PPIP5K2: variants seen among roughly 807,000 people sequenced by gnomAD.
PPIP5K2 encodes inositol hexakisphosphate and diphosphoinositol-pentakisphosphate kinase 2.
PPIP5K2 carries 105 observed loss-of-function variants against 154.6 expected under a neutral mutation model. The observed-to-expected ratio is 0.68, with a 90% CI of 0.58 to 0.80. The LOEUF is 0.80. Among genes scored for constraint, PPIP5K2 ranks in the 30% least tolerant of loss-of-function variants. The pLI, the probability that PPIP5K2 is intolerant of heterozygous loss-of-function variation, is 0.00. For missense variants in PPIP5K2, 992 were observed against 1,504.6 expected (o/e 0.66, Z 5.64); for synonymous variants, 480 against 490.3 (o/e 0.98, Z 0.28).
intron 11 of PPIP5K2, among the ~76,000 whole-genome samples, chr5:103,154,288 A>G (rs1482097340): frequency 6.6e-6 from 1 of 151,972 alleles, no homozygotes; most frequent in Non-Finnish European, 1.5e-5. Context: ...TGTTATTTCT[A>G]TCCAGTGTTT....
In PPIP5K2 at chr5:103,172,467, C is replaced by G. The variant is rs75392964; in HGVS notation, c.2287-688C>G. On this transcript the variant is annotated intron_variant, in intron 19 of 30. Transcript: ENST00000358359. Reference sequence around the variant, plus strand: ...GAGAGAAGGTATATGTGTTTCTTTCCTCTTCCCTTTTCTCCCTCTTTCCCA... The same window carrying G: ...GAGAGAAGGTATATGTGTTTCTTTCGTCTTCCCTTTTCTCCCTCTTTCCCA... Among the ~76,000 whole-genome samples, 824 of 150,856 alleles carry G rather than the reference C, an allele frequency of 5.5e-3. 7 individuals are homozygous for G. The highest frequency in any genetic ancestry group is 0.018 in the African/African-American group (735 of 41,254).
At chr5:103,175,348 T>A (rs1344677953) in intron 21 of PPIP5K2, among the ~76,000 whole-genome samples, 1 of 152,028 alleles carries the variant, frequency 6.6e-6, no homozygotes, top group African/African-American at 2.4e-5. Context: ...CACTAAAGAA[T>A]AGAAAAGTGA....
At chr5:103,179,073 A>G (rs1185779187) in intron 23 of PPIP5K2, among the ~76,000 whole-genome samples, 1 of 151,954 alleles carries the variant, frequency 6.6e-6, no homozygotes, top group Non-Finnish European at 1.5e-5. Flanking sequence ...TTTTATGTAT[A>G]TGATCATAAC....
intron 17 of PPIP5K2, among the ~76,000 whole-genome samples, 179 bp downstream of exon 17, chr5:103,159,507 G>T (rs531623210): frequency 6.6e-6 from 1 of 151,950 alleles, no homozygotes; most frequent in Non-Finnish European, 1.5e-5. Context: ...CTTTTCAATC[G>T]CAACCCATTC....
chr5:103,177,037 C>A, intron 21 of PPIP5K2: 1 of 595,246 alleles, frequency 1.7e-6, no homozygotes, highest in Non-Finnish European at 2.7e-6. Flanking sequence ...GAAAAAATGG[C>A]ATTCCTGTTA....
At position 103,203,384 on chromosome 5, in the gene PPIP5K2, C is replaced by G. The variant is rs1203844818; in HGVS notation, c.*1750C>G. The G allele has an allele frequency of 6.6e-6, 1 of 152,100 alleles. No homozygotes were observed. The highest frequency in any genetic ancestry group is 2.4e-5 in the African/African-American group (1 of 41,424). The allele number at this position is 152,100 out of a possible 1,614,324, so 9.4% of individuals were successfully genotyped here. ...AAACTAGAAAGTACAGTACAACTAA[C>G]TTTTTCCATTGTTATGCAAGAACTA... On this transcript the variant is annotated 3_prime_UTR_variant, in exon 31 of 31. Coordinates refer to ENST00000358359, the MANE Select transcript of PPIP5K2 (RefSeq NM_001276277.3).
At position 103,168,245 on chromosome 5, in the gene PPIP5K2, A is replaced by G. The variant is rs145496451; in HGVS notation, c.2236A>G (p.Met746Val). 7 of 1,609,586 alleles carry G rather than the reference A, an allele frequency of 4.3e-6. No individual in the cohort carries two copies. The Admixed American group carries it at 5.0e-5, about 12-fold the overall frequency. Residue 746 changes from methionine to valine, a missense_variant, in exon 19 of 31, where the codon ATG becomes GTG. Met to Val is a conservative substitution (Grantham distance 21, BLOSUM62 1). This residue lies in a region of PPIP5K2 where 157 missense variants were observed against 281.2 expected (regional missense o/e 0.56). Coordinates refer to ENST00000358359, the MANE Select transcript of PPIP5K2 (RefSeq NM_001276277.3). ...TGGTTCCTTGAAATTAGAAAACACA[A>G]TGGAATTATATAGGCTTTCGAAGGC... is the stretch of plus-strand genomic sequence containing the variant. ...HNGSLKLENT[M>V]ELYRLSKALA...
chr5:103,199,922 C>T (rs1219169397), intron 30 of PPIP5K2, among the ~76,000 whole-genome samples: 2 of 152,102 alleles, frequency 1.3e-5, no homozygotes, highest in East Asian at 3.8e-4. Flanking sequence ...TGACTCATCT[C>T]CAAAGTGATC....
chr5:103,127,186 A>C (rs935845015), intron 1 of PPIP5K2, among the ~76,000 whole-genome samples: 1 of 152,258 alleles, frequency 6.6e-6, no homozygotes, highest in Non-Finnish European at 1.5e-5. Context: ...ATACAGTTTT[A>C]AAATAATGTC....
intron 18 of PPIP5K2, 69 bp downstream of exon 18, chr5:103,167,389 T>A (rs1554218257): frequency 7.9e-7 from 1 of 1,266,060 alleles, no homozygotes; most frequent in Non-Finnish European, 1.1e-6. Context: ...TAATATATGA[T>A]GCACCAATCT....
Position 103,133,502 on chromosome 5 carries a change from C to A in PPIP5K2, c.164C>A (p.Ser55Tyr). 6.2e-7 allele frequency: 1 copy of A among 1,610,940 alleles called. No homozygotes were observed. The highest frequency in any genetic ancestry group is 1.1e-5 in the South Asian group (1 of 90,748). ...GGAATATGTTCCATGGCAAAGAAAT[C>A]CAAATCCAAACCAATGAAGGAAATT... Reference protein sequence around the residue: ...VVGICSMAKKSKSKPMKEILE... With the variant: ...VVGICSMAKKYKSKPMKEILE... Residue 55 changes from serine to tyrosine, a missense_variant, in exon 3 of 31, where the codon TCC becomes TAC. Physicochemically the swap from Ser to Tyr is moderately radical, Grantham distance 144. Coordinates refer to ENST00000358359, the MANE Select transcript of PPIP5K2 (RefSeq NM_001276277.3).
chr5:103,167,573 G>A (rs1176980257), intron 18 of PPIP5K2, among the ~76,000 whole-genome samples: 1 of 151,974 alleles, frequency 6.6e-6, no homozygotes, highest in Non-Finnish European at 1.5e-5. Flanking sequence ...TAGTTAAGCA[G>A]TGAGTAGACA....
Position 103,206,349 on chromosome 5 carries a change from A to T in PPIP5K2, c.*4715A>T, listed in dbSNP as rs894985852. On this transcript the variant is annotated 3_prime_UTR_variant, in exon 31 of 31. Transcript: ENST00000358359. ...TATTTTTTTTGTTCATGTCCAACAC[A>T]ATAAAAATTGAGGGAAGTTCTGTCC... 3.9e-5 allele frequency: 6 copies of T among 152,180 alleles called. No individual in the cohort carries two copies. Among genetic ancestry groups the T allele is most frequent in the African/African-American group, 1.4e-4 (6 of 41,432 alleles). 9.4% of individuals were successfully genotyped at this position (152,180 alleles called of 1,614,324 possible). A position where few individuals can be genotyped will look rare whatever the true frequency, so the allele number is the denominator to read the frequency against.
chr5:103,175,469 G>A (rs1372714877), intron 21 of PPIP5K2, among the ~76,000 whole-genome samples: 6 of 152,074 alleles, frequency 3.9e-5, no homozygotes, highest in Non-Finnish European at 5.9e-5. Context: ...GAAGAGGAGC[G>A]ATACATCTCT....
intron 1 of PPIP5K2, among the ~76,000 whole-genome samples, chr5:103,127,909 A>G (rs1789971447): frequency 6.6e-6 from 1 of 151,658 alleles, no homozygotes; most frequent in Non-Finnish European, 1.5e-5. Flanking sequence ...ACCAACATGA[A>G]GTTTTACAGC....
rs1189025849 is a variant in PPIP5K2, at chr5:103,173,226, T to C, written c.2358T>C (p.Ile786=). 6 of 1,611,884 alleles carry C rather than the reference T, an allele frequency of 3.7e-6. No individual in the cohort carries two copies. The highest frequency in any genetic ancestry group is 5.1e-6 in the Non-Finnish European group (6 of 1,178,564). ...KGYCTPLVRK[I]RSDLQRTQDD... is the part of the protein sequence containing the mutation. ...ACTGTACTCCTCTGGTTAGAAAAATTCGCTCAGACCTTCAGAGGACACAAG... is the reference window on the plus strand; with the variant it reads ...ACTGTACTCCTCTGGTTAGAAAAATCCGCTCAGACCTTCAGAGGACACAAG... Residue 786 remains isoleucine (I), a synonymous_variant, in exon 20 of 31, where the codon ATT becomes ATC. Coordinates refer to ENST00000358359, the MANE Select transcript of PPIP5K2 (RefSeq NM_001276277.3).
chr5:103,181,461 G>C (rs1396281857), intron 24 of PPIP5K2, among the ~76,000 whole-genome samples: 1 of 151,924 alleles, frequency 6.6e-6, no homozygotes, highest in Admixed American at 6.6e-5. Context: ...CCAGCTACTT[G>C]GGAGGCTGAG....
chr5:103,140,882 A>G (rs1562390206), intron 5 of PPIP5K2, among the ~76,000 whole-genome samples: 1 of 152,132 alleles, frequency 6.6e-6, no homozygotes, highest in African/African-American at 2.4e-5. Context: ...TGAAGACATA[A>G]TATACTTTAC....
intron 30 of PPIP5K2, among the ~76,000 whole-genome samples, chr5:103,197,569 A>ATTTTTT (rs782156090): frequency 3.1e-4 from 27 of 86,972 alleles, no homozygotes; most frequent in Non-Finnish European, 4.2e-4. Context: ...TAAAACACAA[A>ATTTTTT]TTTTTTTTTT....
Sources: gnomAD v4.1 joint callset for allele counts (sites outside exome capture counted in the v4.1 genomes callset) on GRCh38, gnomAD v4.1.1 for gene constraint, gnomAD v4.1.1 regional missense constraint, MANE v1.5 for transcripts, NCBI Gene and HGNC (gene_info 2026-07-23, HGNC 2026-07-21) for gene names.